The following QRFPR variants were observed in gnomAD, a reference collection of about 807,000 sequenced individuals.
QRFPR encodes the protein pyroglutamylated RFamide peptide receptor, also known as pyroglutamylated RF-amide peptide receptor.
QRFPR carries 37 observed loss-of-function variants against 31.3 expected under a neutral mutation model. That is an observed-to-expected ratio of 1.18 (90% CI 0.91 to 1.56). The LOEUF is 1.56. Ranked by LOEUF, QRFPR falls within the 40% of genes most tolerant of loss-of-function variation. The probability of loss-of-function intolerance (pLI) is 0.00; values close to 1 mark genes in which losing one functional copy is unlikely to be tolerated. For synonymous variants in QRFPR, 197 were observed against 192.0 expected, an observed-to-expected ratio of 1.03 and a Z score of -0.22; for missense variants, 542 against 532.5, an observed-to-expected ratio of 1.02 and a Z score of -0.18.
intron 1 of QRFPR, chr4:121,369,388 G>A (rs1216510014): frequency 1.4e-6 from 1 of 701,404 alleles, no homozygotes; most frequent in African/African-American, 1.8e-5. Flanking sequence ...GCAGTGGAGT[G>A]CAAGAAACCT....
chr4:121,365,421 T>A (rs1726072843), intron 1 of QRFPR, among the ~76,000 whole-genome samples: 1 of 125,550 alleles, frequency 8.0e-6, no homozygotes, highest in South Asian at 2.5e-4. Context: ...GCCACCGCAC[T>A]CCAGCCTGGG....
intron 1 of QRFPR, among the ~76,000 whole-genome samples, chr4:121,366,263 C>A (rs1726133198): frequency 1.3e-5 from 2 of 149,856 alleles, no homozygotes; most frequent in African/African-American, 4.9e-5. Context: ...ATTTTACTTA[C>A]TATAAAAAAT....
chr4:121,329,056 C>T lies in QRFPR; in HGVS notation c.*258G>A. ...GGCATGAGCCACCGTGCCTGGCCTT[C>T]CATGTTGCTTTTTTAAGGCTAGTCA... On this transcript the variant is annotated 3_prime_UTR_variant, in exon 6 of 6. Coordinates refer to ENST00000394427, the MANE Select transcript of QRFPR (RefSeq NM_198179.3). The T allele has an allele frequency of 3.1e-6, 1 of 326,328 alleles. No homozygotes were observed. The highest frequency in any genetic ancestry group is 5.5e-6 in the Non-Finnish European group (1 of 181,302). 20.2% of individuals were successfully genotyped at this position (326,328 alleles called of 1,614,324 possible).
chr4:121,360,934 T>A (rs1725977902), intron 1 of QRFPR, among the ~76,000 whole-genome samples: 1 of 152,222 alleles, frequency 6.6e-6, no homozygotes, highest in South Asian at 2.1e-4. Flanking sequence ...CTGTGTGCTG[T>A]TCGCCCTTGC....
intron 2 of QRFPR, chr4:121,340,165 C>A: frequency 3.4e-6 from 1 of 297,838 alleles, no homozygotes; most frequent in Non-Finnish European, 6.3e-6. Context: ...GTTAATGTGG[C>A]AATGCCACTG....
At position 121,363,076 on chromosome 4, in the gene QRFPR, G is replaced by A. The variant is rs181903557; in HGVS notation, c.340+17232C>T. ...AGGCCGGGCAGAGTGGCTCATGCCT[G>A]TAATCCCAGCCCTTTGGGAGGCCAA... On this transcript the variant is annotated intron_variant, in intron 1 of 5. Transcript: ENST00000394427. 4.9e-4 allele frequency among the ~76,000 whole-genome samples: 73 copies of A among 150,214 alleles called. 3 individuals carry two copies. The highest frequency in any genetic ancestry group is 1.6e-3 in the African/African-American group (66 of 40,650).
chr4:121,357,087 C>T (rs1725885304), intron 1 of QRFPR, among the ~76,000 whole-genome samples: 1 of 152,032 alleles, frequency 6.6e-6, no homozygotes, highest in South Asian at 2.1e-4. Flanking sequence ...CAAAGTACCA[C>T]AATCTTAGTG....
In QRFPR at chr4:121,370,165, C is replaced by G. The variant is rs552371500; in HGVS notation, c.340+10143G>C. The G allele has an allele frequency of 1.0e-5, 8 of 768,938 alleles. No homozygotes were observed. The South Asian group carries it at 1.1e-4, about 10-fold the overall frequency. 47.6% of individuals were successfully genotyped at this position (768,938 alleles called of 1,614,324 possible). A position where few individuals can be genotyped will look rare whatever the true frequency, so the allele number is the denominator to read the frequency against. ...TTGGTGAGGTGCTGATACTTGTGCT[C>G]TGAAATCACTGGCTTCCAAGGGATG... On this transcript the variant is annotated intron_variant, in intron 1 of 5. Transcript: ENST00000394427.
Position 121,335,410 on chromosome 4 carries a change from C to T in QRFPR, c.561+1397G>A, listed in dbSNP as rs9995650. The stretch of plus-strand genomic sequence containing the variant: ...GCTGGCATGATCCCTTGCCAGCCCG[C>T]TGGAGGTCTCAGTGCTGTTATCTTT... On this transcript the variant is annotated intron_variant, in intron 3 of 5. Transcript: ENST00000394427. Among the ~76,000 whole-genome samples the T allele has an allele frequency of 7.2e-4, 109 of 152,090 alleles. 1 individual carries two copies. The highest frequency in any genetic ancestry group is 2.5e-3 in the African/African-American group (103 of 41,496).
chr4:121,336,208 T>C (rs1169872597), intron 3 of QRFPR, among the ~76,000 whole-genome samples: 1 of 152,126 alleles, frequency 6.6e-6, no homozygotes, highest in African/African-American at 2.4e-5. Flanking sequence ...CAAGACATGT[T>C]AAAGTCCACC....
intron 1 of QRFPR, among the ~76,000 whole-genome samples, chr4:121,347,500 C>A (rs996172215): frequency 7.2e-5 from 11 of 152,082 alleles, no homozygotes; most frequent in Non-Finnish European, 1.5e-4. Flanking sequence ...ATAACACTGT[C>A]TTCAATAATT....
chr4:121,331,441 C>T (rs1279168068), intron 4 of QRFPR, among the ~76,000 whole-genome samples: 1 of 151,152 alleles, frequency 6.6e-6, no homozygotes, highest in African/African-American at 2.4e-5. Flanking sequence ...ACTTCAGCCT[C>T]CCAAAGTGCT....
intron 1 of QRFPR, among the ~76,000 whole-genome samples, chr4:121,367,581 A>T (rs1199211169): frequency 2.7e-5 from 4 of 150,534 alleles, no homozygotes; most frequent in Non-Finnish European, 5.9e-5. Context: ...GATATTACTA[A>T]CAGTGCAACA....
intron 4 of QRFPR, among the ~76,000 whole-genome samples, chr4:121,331,619 TC>T (rs1219458838): frequency 7.9e-6 from 1 of 126,194 alleles, no homozygotes; most frequent in Non-Finnish European, 1.7e-5. Flanking sequence ...ATACTCATTA[TC>T]TCATTATTAT....
chr4:121,331,191 T>G (rs1404656430), intron 4 of QRFPR, among the ~76,000 whole-genome samples: 4 of 140,870 alleles, frequency 2.8e-5, no homozygotes, highest in South Asian at 2.4e-4. Context: ...TTTTTTTTTT[T>G]TTTTTTTTTT....
intron 1 of QRFPR, among the ~76,000 whole-genome samples, chr4:121,365,673 T>A (rs1158711423): frequency 8.1e-5 from 4 of 49,396 alleles, no homozygotes; most frequent in South Asian, 6.8e-4. Flanking sequence ...ATTTTATATA[T>A]TATATATATA....
In QRFPR at chr4:121,363,186, C is replaced by T. The variant is rs963908255; in HGVS notation, c.340+17122G>A. Among the ~76,000 whole-genome samples, 3 of 149,782 alleles carry T rather than the reference C, an allele frequency of 2.0e-5. 1 individual carries two copies. The highest frequency in any genetic ancestry group is 6.6e-5 in the Admixed American group (1 of 15,052). On this transcript the variant is annotated intron_variant, in intron 1 of 5. Transcript: ENST00000394427. ...CTAAAGATACAAAAAATTAGTTGGG[C>T]GTGGTGGCGCACACCTGTAATCACA...
At chr4:121,380,131 T>C (rs142744749) in intron 1 of QRFPR, among the ~76,000 whole-genome samples, 177 bp downstream of exon 1, 407 of 144,638 alleles carry the variant, frequency 2.8e-3, no homozygotes, top group African/African-American at 9.4e-3. Context: ...CCGGATTCAT[T>C]TGACAGAGAA....
Position 121,365,585 on chromosome 4 carries a change from ATATAT to A in QRFPR, c.340+14718_340+14722del, listed in dbSNP as rs1726103175. On this transcript the variant is annotated intron_variant, in intron 1 of 5. Coordinates refer to ENST00000394427, the MANE Select transcript of QRFPR (RefSeq NM_198179.3). ...ATATATTATATATAATATATATTAT[ATATAT>A]TATATATATATAATATATATATTAT... 1.6e-3 allele frequency among the ~76,000 whole-genome samples: 4 copies of A among 2,514 alleles called. 1 individual carries two copies. Among genetic ancestry groups the A allele is most frequent in the African/African-American group, 6.4e-3 (3 of 466 alleles). 1.6% of individuals were successfully genotyped at this position (2,514 alleles called of 152,430 possible). A position where few individuals can be genotyped will look rare whatever the true frequency, so the allele number is the denominator to read the frequency against.
Sources: gnomAD v4.1 joint callset for allele counts (sites outside exome capture counted in the v4.1 genomes callset) on GRCh38, gnomAD v4.1.1 for gene constraint, MANE v1.5 for transcripts, NCBI Gene and HGNC (gene_info 2026-07-23, HGNC 2026-07-21) for gene names.